The following CTIF variants were observed in gnomAD, a reference collection of about 807,000 sequenced individuals.
CTIF encodes cap binding complex dependent translation initiation factor.
Under a neutral mutation model 66.0 loss-of-function variants are expected in CTIF, and 21 were observed. The ratio of observed to expected loss-of-function variants is 0.32; its 90% CI spans 0.23 to 0.46. CTIF has a LOEUF of 0.46. Ranked by LOEUF, CTIF falls within the 20% of genes least tolerant of loss-of-function variation. CTIF has a pLI of 1.00. For missense variants in CTIF, 739 were observed against 812.7 expected (o/e 0.91, Z 1.10); for synonymous variants, 345 against 326.4 (o/e 1.06, Z -0.62).
chr18:48,827,143 A>G (rs1334142148), intron 10 of CTIF, among the ~76,000 whole-genome samples: 3 of 152,228 alleles, frequency 2.0e-5, no homozygotes, highest in Non-Finnish European at 4.4e-5. Flanking sequence ...TAGTGAATGC[A>G]GGATGACTCC....
At chr18:48,849,237 G>T (rs1015172033) in intron 10 of CTIF, among the ~76,000 whole-genome samples, 4 of 139,488 alleles carry the variant, frequency 2.9e-5, no homozygotes, top group African/African-American at 1.1e-4. Flanking sequence ...TTACTCTGTC[G>T]GTCAGGCAGG....
chr18:48,816,028 TA>T (rs1272186925), intron 9 of CTIF, among the ~76,000 whole-genome samples: 1 of 152,140 alleles, frequency 6.6e-6, no homozygotes, highest in Non-Finnish European at 1.5e-5. Context: ...CAAACAACCA[TA>T]AAAATCTCAG....
intron 5 of CTIF, among the ~76,000 whole-genome samples, chr18:48,666,827 C>T (rs2144948889): frequency 6.6e-6 from 1 of 152,330 alleles, no homozygotes; most frequent in South Asian, 2.1e-4. Context: ...TTCCAGACTG[C>T]TGAGCTGCAC....
intron 10 of CTIF, among the ~76,000 whole-genome samples, chr18:48,852,120 G>C (rs2069215802): frequency 6.6e-6 from 1 of 150,750 alleles, no homozygotes; most frequent in African/African-American, 2.4e-5. Flanking sequence ...CCTGCTCCCA[G>C]TTACTTGGGA....
At chr18:48,693,404 A>G (rs973928665) in intron 6 of CTIF, among the ~76,000 whole-genome samples, 5 of 152,206 alleles carry the variant, frequency 3.3e-5, no homozygotes, top group African/African-American at 9.6e-5. Context: ...TTTGATGCCC[A>G]GGCTGCACCC....
In CTIF at chr18:48,582,474, G is replaced by A. The variant is rs565266025; in HGVS notation, c.-28-37064G>A. Among the ~76,000 whole-genome samples the A allele has an allele frequency of 2.6e-4, 39 of 152,246 alleles. 1 individual carries two copies. Among genetic ancestry groups the A allele is most frequent in the African/African-American group, 6.7e-4 (28 of 41,538 alleles). On this transcript the variant is annotated intron_variant, in intron 1 of 11. Coordinates refer to ENST00000256413, the MANE Select transcript of CTIF (RefSeq NM_014772.3). ...CTGGGGGCCTCATGCACATGAGGGCGTCTTTGTTGCCTGCATAGGACCACG... is the reference window on the plus strand; with the variant it reads ...CTGGGGGCCTCATGCACATGAGGGCATCTTTGTTGCCTGCATAGGACCACG...
chr18:48,812,206 G>C (rs916790792), intron 9 of CTIF, among the ~76,000 whole-genome samples: 1 of 152,042 alleles, frequency 6.6e-6, no homozygotes, highest in Non-Finnish European at 1.5e-5. Flanking sequence ...TCAAGCGATC[G>C]ACCTGCCTTG....
chr18:48,578,272 A>C (rs1247342092), intron 1 of CTIF, among the ~76,000 whole-genome samples: 1 of 152,156 alleles, frequency 6.6e-6, no homozygotes, highest in African/African-American at 2.4e-5. Flanking sequence ...ATTATGAATA[A>C]TGCTGCTCTG....
chr18:48,677,634 G>A (rs1304905756), intron 6 of CTIF, among the ~76,000 whole-genome samples: 6 of 152,178 alleles, frequency 3.9e-5, no homozygotes, highest in Non-Finnish European at 8.8e-5. Flanking sequence ...AACCTTCTCA[G>A]TAAGGGCTTG....
intron 7 of CTIF, among the ~76,000 whole-genome samples, chr18:48,757,087 C>G (rs1908439704): frequency 6.6e-6 from 1 of 152,072 alleles, no homozygotes; most frequent in South Asian, 2.1e-4. Context: ...TGCTGTGTCT[C>G]CATGTGGTCT....
intron 1 of CTIF, among the ~76,000 whole-genome samples, chr18:48,615,868 G>A (rs774143976): frequency 6.6e-6 from 1 of 152,224 alleles, no homozygotes; most frequent in South Asian, 2.1e-4. Flanking sequence ...CCGAGAGGAC[G>A]TGAGGACACA....
chr18:48,636,796 G>A, intron 3 of CTIF, 111 bp downstream of exon 3: 1 of 699,506 alleles, frequency 1.4e-6, no homozygotes, highest in Non-Finnish European at 2.1e-6. Flanking sequence ...AGAGTGCAGA[G>A]AGGTGGGAGA....
chr18:48,700,350 A>G (rs1430291984), intron 6 of CTIF, among the ~76,000 whole-genome samples: 1 of 152,228 alleles, frequency 6.6e-6, no homozygotes, highest in Admixed American at 6.5e-5. Flanking sequence ...AGTCTCAAGT[A>G]TGTCCCTATT....
rs114868151 is a variant in CTIF, at chr18:48,802,031, G to A, written c.1372-15190G>A. 5.5e-3 allele frequency among the ~76,000 whole-genome samples: 843 copies of A among 152,290 alleles called. 11 individuals carry two copies. Among genetic ancestry groups the A allele is most frequent in the African/African-American group, 0.018 (750 of 41,566 alleles). ...AGGAAGGGTTATTACACCTGTTTGC[G>A]TCACTCTGTCACCTGGGTGCAGGTC... On this transcript the variant is annotated intron_variant, in intron 9 of 11. Transcript: ENST00000256413.
chr18:48,656,182 C>G (rs1457546509), intron 3 of CTIF, among the ~76,000 whole-genome samples: 1 of 152,172 alleles, frequency 6.6e-6, no homozygotes, highest in African/African-American at 2.4e-5. Flanking sequence ...CAGATGCTTG[C>G]AGGGGAGGGA....
At chr18:48,729,858 G>A (rs1015502935) in intron 7 of CTIF, among the ~76,000 whole-genome samples, 1 of 152,220 alleles carries the variant, frequency 6.6e-6, no homozygotes, top group Non-Finnish European at 1.5e-5. Context: ...AAGATTGTGA[G>A]GGAGCACCCA....
At chr18:48,797,412 G>A (rs546315458) in intron 9 of CTIF, among the ~76,000 whole-genome samples, 3 of 151,626 alleles carry the variant, frequency 2.0e-5, no homozygotes, top group Admixed American at 6.6e-5. Context: ...GAACCCAGTG[G>A]GCGGAGGTTG....
chr18:48,554,204 C>A (rs180812044), intron 1 of CTIF, among the ~76,000 whole-genome samples: 25 of 152,324 alleles, frequency 1.6e-4, no homozygotes, highest in Non-Finnish European at 3.1e-4. Flanking sequence ...AGGGAGCTGG[C>A]AGGGCTAGTG....
At chr18:48,670,459 C>CA (rs2091510896) in intron 5 of CTIF, 1 of 528,502 alleles carries the variant, frequency 1.9e-6, no homozygotes, top group Admixed American at 3.3e-5. Flanking sequence ...CACCTCCCTC[C>CA]AGGTTGGCTG....
Sources: allele counts gnomAD v4.1 joint callset (sites outside exome capture counted in the v4.1 genomes callset), GRCh38; gene constraint gnomAD v4.1.1; transcripts MANE v1.5; gene names NCBI Gene and HGNC (gene_info 2026-07-23, HGNC 2026-07-21).